The following KCNK10 variants were observed in gnomAD, a reference collection of about 807,000 sequenced individuals.
KCNK10 encodes the protein potassium two pore domain channel subfamily K member 10, also known as potassium channel subfamily K member 10.
Under a neutral mutation model 47.7 loss-of-function variants are expected in KCNK10, and 25 were observed. That is an observed-to-expected ratio of 0.52 (90% confidence interval 0.38 to 0.73). KCNK10 has a LOEUF of 0.73. KCNK10 is among the 30% of genes least tolerant of loss of function. KCNK10 has a pLI of 0.00. For synonymous variants in KCNK10, 303 were observed against 285.6 expected (o/e 1.06, Z -0.61); for missense variants, 563 against 714.5 (o/e 0.79, Z 2.42).
chr14:88,235,139 T>A (rs747273144), intron 3 of KCNK10: 1 of 456,602 alleles, frequency 2.2e-6, no homozygotes, highest in South Asian at 1.5e-5. Context: ...GGACCCTATT[T>A]GCAGAAACAC....
At chr14:88,309,488 G>C (rs955594589) in intron 1 of KCNK10, among the ~76,000 whole-genome samples, 1 of 152,168 alleles carries the variant, frequency 6.6e-6, no homozygotes, top group Non-Finnish European at 1.5e-5. Context: ...TATAGTCCCA[G>C]CTACTCAGGA....
At chr14:88,276,487 C>T (rs1887530870) in intron 1 of KCNK10, among the ~76,000 whole-genome samples, 1 of 152,094 alleles carries the variant, frequency 6.6e-6, no homozygotes. Flanking sequence ...TTGACTAGAT[C>T]ATCCTCTCTT....
intron 1 of KCNK10, among the ~76,000 whole-genome samples, chr14:88,302,601 T>C (rs996382098): frequency 1.3e-5 from 2 of 152,102 alleles, no homozygotes; most frequent in African/African-American, 2.4e-5. Flanking sequence ...TCCCAGCTAC[T>C]TGGGAGGCTG....
chr14:88,283,582 CA>C (rs1407859274), intron 1 of KCNK10, among the ~76,000 whole-genome samples: 1 of 152,108 alleles, frequency 6.6e-6, no homozygotes, highest in Non-Finnish European at 1.5e-5. Flanking sequence ...TTGAATTAAA[CA>C]AAATTCAAAC....
At chr14:88,308,117 G>A (rs771358390) in intron 1 of KCNK10, among the ~76,000 whole-genome samples, 23 of 152,264 alleles carry the variant, frequency 1.5e-4, no homozygotes, top group Middle Eastern at 3.4e-3. Context: ...ACCTGCAGCC[G>A]TGGGAGTATG....
At chr14:88,273,616 G>A (rs1364114486) in intron 1 of KCNK10, among the ~76,000 whole-genome samples, 4 of 152,130 alleles carry the variant, frequency 2.6e-5, no homozygotes, top group Non-Finnish European at 5.9e-5. Context: ...ATATCCGACT[G>A]GACCACCATC....
At chr14:88,237,546 T>C (rs1886332544) in intron 3 of KCNK10, among the ~76,000 whole-genome samples, 1 of 152,210 alleles carries the variant, frequency 6.6e-6, no homozygotes, top group Admixed American at 6.5e-5. Context: ...TCTTAAATAA[T>C]AAGAGTTCAA....
intron 2 of KCNK10, among the ~76,000 whole-genome samples, chr14:88,242,762 C>G (rs1260659916): frequency 6.6e-6 from 1 of 152,146 alleles, no homozygotes; most frequent in Non-Finnish European, 1.5e-5. Context: ...TTCACTGTGC[C>G]GTATGAGTAC....
chr14:88,293,854 A>T (rs913374930), intron 1 of KCNK10, among the ~76,000 whole-genome samples: 1 of 151,638 alleles, frequency 6.6e-6, no homozygotes, highest in Non-Finnish European at 1.5e-5. Flanking sequence ...TTAAAAATAA[A>T]TTTTTTTAGA....
At chr14:88,303,097 CA>C (rs780766153) in intron 1 of KCNK10, among the ~76,000 whole-genome samples, 3 of 152,224 alleles carry the variant, frequency 2.0e-5, no homozygotes, top group East Asian at 1.9e-4. Flanking sequence ...AAGAAAAACA[CA>C]GAGGCTACTT....
intron 2 of KCNK10, among the ~76,000 whole-genome samples, chr14:88,246,467 A>C (rs1886645171): frequency 6.6e-6 from 1 of 152,230 alleles, no homozygotes; most frequent in South Asian, 2.1e-4. Flanking sequence ...CTCGGGTTTG[A>C]AGTGGAAAGA....
intron 3 of KCNK10, among the ~76,000 whole-genome samples, chr14:88,230,516 C>A (rs536961934): frequency 6.6e-6 from 1 of 152,326 alleles, no homozygotes; most frequent in East Asian, 1.9e-4. Flanking sequence ...TTGCTGTTTA[C>A]GTGCCAAAGT....
At chr14:88,274,497 G>A (rs533866172) in intron 1 of KCNK10, among the ~76,000 whole-genome samples, 5 of 122,472 alleles carry the variant, frequency 4.1e-5, no homozygotes, top group African/African-American at 1.5e-4. Context: ...GTTGCAGTGA[G>A]TCGACATTGC....
intron 4 of KCNK10, among the ~76,000 whole-genome samples, chr14:88,202,464 C>CATAAAGA (rs1320992812): frequency 2.6e-5 from 4 of 152,232 alleles, no homozygotes; most frequent in African/African-American, 7.2e-5. Flanking sequence ...AAGCATGTGA[C>CATAAAGA]CCAGGCTTTC....
At chr14:88,203,273 G>C (rs538933395) in intron 4 of KCNK10, among the ~76,000 whole-genome samples, 1 of 152,330 alleles carries the variant, frequency 6.6e-6, no homozygotes, top group African/African-American at 2.4e-5. Flanking sequence ...TTTTAACAAG[G>C]TACCTTCCCA....
intron 4 of KCNK10, among the ~76,000 whole-genome samples, chr14:88,201,357 G>T (rs1885095594): frequency 6.6e-6 from 1 of 152,096 alleles, no homozygotes; most frequent in South Asian, 2.1e-4. Flanking sequence ...GAATGGATTT[G>T]CTTAGAAGGA....
intron 2 of KCNK10, among the ~76,000 whole-genome samples, chr14:88,244,050 A>C (rs1263092153): frequency 6.6e-6 from 1 of 152,100 alleles, no homozygotes; most frequent in Non-Finnish European, 1.5e-5. Context: ...AGACTCAATG[A>C]AAAGGAGAAA....
chr14:88,222,948 G>A (rs1259457115), intron 4 of KCNK10, among the ~76,000 whole-genome samples: 2 of 152,204 alleles, frequency 1.3e-5, no homozygotes, highest in Non-Finnish European at 2.9e-5. Context: ...CTTGCTATGT[G>A]AGATAAGGGT....
intron 4 of KCNK10, among the ~76,000 whole-genome samples, chr14:88,197,896 A>AGAGAGAGAGAGAGAGAGAGAGAGAGAG (rs1555359770): frequency 1.7e-5 from 2 of 117,700 alleles, no homozygotes; most frequent in African/African-American, 3.9e-5. Flanking sequence ...GAGAGAGAGA[A>AGAGAGAGAGAGAGAGAGAGAGAGAGAG]GGGGAAAAAA....
Sources: gnomAD v4.1 joint callset for allele counts (sites outside exome capture counted in the v4.1 genomes callset) on GRCh38, gnomAD v4.1.1 for gene constraint, MANE v1.5 for transcripts, NCBI Gene and HGNC (gene_info 2026-07-23, HGNC 2026-07-21) for gene names.